The following TCTN3 variants were observed in gnomAD, a reference collection of about 807,000 sequenced individuals.
TCTN3 encodes tectonic-3.
A neutral mutation model predicts 71.3 loss-of-function variants in TCTN3; 57 were observed. The observed-to-expected ratio is 0.80, with a 90% CI of 0.65 to 1.00. The LOEUF (loss-of-function observed/expected upper bound fraction) is 1.00, where lower values mean the gene tolerates loss of function less well. TCTN3 is among the 50% of genes least tolerant of loss of function. The probability of loss-of-function intolerance (pLI) is 0.00; values close to 1 mark genes in which losing one functional copy is unlikely to be tolerated. For synonymous variants in TCTN3, 258 were observed against 267.8 expected (o/e 0.96, Z 0.36); for missense variants, 696 against 719.9 (o/e 0.97, Z 0.38).
At chr10:95,691,059 G>A (rs982550541) in intron 3 of TCTN3, among the ~76,000 whole-genome samples, 2 of 152,032 alleles carry the variant, frequency 1.3e-5, no homozygotes, top group African/African-American at 2.4e-5. Flanking sequence ...GGTGTCGGGG[G>A]CAGGAGTGGG....
intron 3 of TCTN3, among the ~76,000 whole-genome samples, chr10:95,692,701 C>T (rs572957088): frequency 4.8e-4 from 73 of 152,304 alleles, no homozygotes; most frequent in South Asian, 1.4e-3. Flanking sequence ...CAGCCCAGGA[C>T]GGCTTATGAA....
chr10:95,676,117 AACAATT>A (rs1470666337), intron 13 of TCTN3, among the ~76,000 whole-genome samples: 2 of 148,226 alleles, frequency 1.3e-5, no homozygotes, highest in African/African-American at 2.5e-5. Context: ...TATTAAATAA[AACAATT>A]AGTTATGAAA....
At chr10:95,677,429 G>A (rs1589608806) in intron 13 of TCTN3, among the ~76,000 whole-genome samples, 1 of 136,228 alleles carries the variant, frequency 7.3e-6, no homozygotes, top group African/African-American at 2.7e-5. Flanking sequence ...TTCAATAAAT[G>A]TTTATATATT....
intron 13 of TCTN3, among the ~76,000 whole-genome samples, chr10:95,677,470 T>TGC (rs2097938162): frequency 7.7e-6 from 1 of 129,546 alleles, no homozygotes; most frequent in Non-Finnish European, 1.6e-5. Context: ...TAGTGAAGTC[T>TGC]ACAGTTTTTT....
chr10:95,690,544 G>C (rs750245017), intron 3 of TCTN3, among the ~76,000 whole-genome samples: 7 of 152,180 alleles, frequency 4.6e-5, no homozygotes, highest in Non-Finnish European at 8.8e-5. Context: ...TATAGAGTCA[G>C]AAAGAAAAGC....
intron 13 of TCTN3, among the ~76,000 whole-genome samples, chr10:95,666,050 C>A (rs983758011): frequency 1.3e-5 from 2 of 151,908 alleles, no homozygotes; most frequent in African/African-American, 4.8e-5. Flanking sequence ...ACGCCATTCT[C>A]CTGCCTCAGC....
At chr10:95,683,216 T>A in intron 10 of TCTN3, 21 bp from the exon 11 acceptor site, 2 of 1,602,580 alleles carry the variant, frequency 1.2e-6, no homozygotes, top group Non-Finnish European at 1.7e-6. Context: ...AAAGTGATGA[T>A]CAAGGACATC....
chr10:95,684,722 A>AGCCCTC lies in TCTN3; in HGVS notation c.970-99_970-98insGAGGGC. The AGCCCTC allele has an allele frequency of 2.3e-6, 3 of 1,332,270 alleles. No individual in the cohort carries two copies. The South Asian group carries it at 4.3e-5, about 19-fold the overall frequency. 82.5% of individuals were successfully genotyped at this position (1,332,270 alleles called of 1,614,324 possible). A position where few individuals can be genotyped will look rare whatever the true frequency, so the allele number is the denominator to read the frequency against. On this transcript the variant is annotated intron_variant, in intron 8 of 13. Transcript: ENST00000371217. ...GTCTTCAAGGGTGTTATTATAACTA[A>AGCCCTC]ATGAGGCAGACTGAAACAGTAATGT... is the stretch of plus-strand genomic sequence containing the variant.
intron 13 of TCTN3, among the ~76,000 whole-genome samples, chr10:95,672,667 T>C (rs893667240): frequency 6.6e-6 from 1 of 150,934 alleles, no homozygotes; most frequent in Non-Finnish European, 1.5e-5. Context: ...TCTCCATTTG[T>C]GAAGTATCTG....
chr10:95,682,969 A>C (rs1017490344), intron 11 of TCTN3, 132 bp downstream of exon 11: 24 of 1,212,254 alleles, frequency 2.0e-5, no homozygotes, highest in Non-Finnish European at 2.6e-5. Context: ...CAATATCAAC[A>C]CTATTTAGAC....
intron 13 of TCTN3, among the ~76,000 whole-genome samples, chr10:95,676,119 CAATT>C (rs142895232): frequency 0.14 from 21,551 of 152,042 alleles, 1,634 homozygotes; most frequent in Middle Eastern, 0.23. Context: ...TTAAATAAAA[CAATT>C]AGTTATGAAA....
chr10:95,693,204 G>A (rs2097955294), intron 2 of TCTN3, 149 bp downstream of exon 2: 2 of 1,368,620 alleles, frequency 1.5e-6, no homozygotes, highest in Admixed American at 2.5e-5. Context: ...TAGAGAATCA[G>A]AAAAGGCAAT....
At chr10:95,690,249 G>A (rs1029472228) in intron 3 of TCTN3, among the ~76,000 whole-genome samples, 20 of 152,244 alleles carry the variant, frequency 1.3e-4, no homozygotes, top group African/African-American at 4.1e-4. Flanking sequence ...CTCCCAAAGT[G>A]CTGGATTACA....
rs1359121286 is a variant in TCTN3 at position 95,693,896 on chromosome 10, G to C, written c.4C>G (p.Arg2Gly). Residue 2 changes from arginine (R) to glycine (G), a missense_variant, in exon 1 of 14, where the codon CGC becomes GGC. Arg to Gly is a moderately radical substitution (Grantham distance 125). Coordinates refer to ENST00000371217, the MANE Select transcript of TCTN3 (RefSeq NM_015631.6). ...TGCAGGAGCGCGAGCTGTGGGGTGCGCATGGGGCATTCAGGGCCTCCGGGT... is the reference window on the plus strand; with the variant it reads ...TGCAGGAGCGCGAGCTGTGGGGTGCCCATGGGGCATTCAGGGCCTCCGGGT... M[R>G]TPQLALLQVF... The C allele has an allele frequency of 1.9e-6, 3 of 1,551,504 alleles. No homozygotes were observed. Among genetic ancestry groups the C allele is most frequent in the East Asian group, 2.4e-5 (1 of 40,914 alleles).
intron 13 of TCTN3, among the ~76,000 whole-genome samples, chr10:95,672,841 C>G (rs1398583692): frequency 1.3e-5 from 2 of 151,754 alleles, no homozygotes; most frequent in African/African-American, 2.4e-5. Context: ...TACAGGCATG[C>G]GTCGCCATGC....
chr10:95,670,731 C>G (rs868448965), intron 13 of TCTN3, among the ~76,000 whole-genome samples: 1 of 151,978 alleles, frequency 6.6e-6, no homozygotes, highest in African/African-American at 2.4e-5. Flanking sequence ...GGTACAAACA[C>G]GGCTCACTGC....
intron 6 of TCTN3, among the ~76,000 whole-genome samples, 187 bp downstream of exon 6, chr10:95,686,857 T>A (rs1007068734): frequency 6.6e-6 from 1 of 152,218 alleles, no homozygotes; most frequent in Non-Finnish European, 1.5e-5. Flanking sequence ...GATGATCTCT[T>A]ATCCTGCATA....
intron 12 of TCTN3, among the ~76,000 whole-genome samples, chr10:95,681,404 G>A (rs952165997): frequency 2.0e-5 from 3 of 152,166 alleles, no homozygotes; most frequent in African/African-American, 7.2e-5. Context: ...AACAGTTACT[G>A]AGTATCTCCT....
intron 2 of TCTN3, 79 bp downstream of exon 2, chr10:95,693,274 C>G: frequency 6.5e-7 from 1 of 1,534,968 alleles, no homozygotes; most frequent in Non-Finnish European, 8.8e-7. Flanking sequence ...GGCACAAAGA[C>G]TAACTCTTCT....
Sources: allele counts gnomAD v4.1 joint callset (sites outside exome capture counted in the v4.1 genomes callset), GRCh38; gene constraint gnomAD v4.1.1; transcripts MANE v1.5; gene names NCBI Gene and HGNC (gene_info 2026-07-23, HGNC 2026-07-21).